Variants in AMN1 observed in about 807,000 individuals in gnomAD.
AMN1 encodes the protein antagonist of mitotic exit network 1 homolog.
AMN1 carries 20 observed loss-of-function variants against 33.0 expected under a neutral mutation model. The observed-to-expected ratio is 0.61, with a 90% CI of 0.43 to 0.88. The LOEUF is 0.88. Ranked by LOEUF, AMN1 falls within the 40% of genes least tolerant of loss-of-function variation. The probability of loss-of-function intolerance (pLI) is 0.00; values close to 1 mark genes in which losing one functional copy is unlikely to be tolerated. For synonymous variants in AMN1, 114 were observed against 111.9 expected, an observed-to-expected ratio of 1.02 and a Z score of -0.12; for missense variants, 246 against 307.4, an observed-to-expected ratio of 0.80 and a Z score of 1.49.
At chr12:31,727,537 T>C (rs948164985) in intron 1 of AMN1, among the ~76,000 whole-genome samples, 6 of 152,266 alleles carry the variant, frequency 3.9e-5, no homozygotes, top group Non-Finnish European at 7.4e-5. Flanking sequence ...TATTTCTACC[T>C]TTCCTGCCTG....
At chr12:31,719,331 T>C in intron 1 of AMN1, 2 of 983,102 alleles carry the variant, frequency 2.0e-6, no homozygotes, top group Non-Finnish European at 2.4e-6. Context: ...TTCTTTTTAA[T>C]GATATAAAAT....
intron 1 of AMN1, among the ~76,000 whole-genome samples, chr12:31,728,709 C>A (rs1940181911): frequency 6.6e-6 from 1 of 152,242 alleles, no homozygotes; most frequent in South Asian, 2.1e-4. Context: ...GGGCGCCGAG[C>A]TGTCAAGGCT....
chr12:31,709,174 A>T (rs1939369183), intron 2 of AMN1, 119 bp downstream of exon 2: 4 of 495,766 alleles, frequency 8.1e-6, no homozygotes, highest in South Asian at 3.2e-5. Context: ...GACCCTGTAT[A>T]AAAAAAAAAA....
chr12:31,694,621 C>T (rs1274127743), intron 5 of AMN1, among the ~76,000 whole-genome samples: 1 of 151,896 alleles, frequency 6.6e-6, no homozygotes, highest in Non-Finnish European at 1.5e-5. Context: ...GGGCACATAC[C>T]TGTAGCCCCA....
chr12:31,704,933 C>T (rs1340377657), intron 2 of AMN1, among the ~76,000 whole-genome samples: 1 of 152,038 alleles, frequency 6.6e-6, no homozygotes, highest in Non-Finnish European at 1.5e-5. Context: ...TGAAGAAAAC[C>T]ACCATTTTTC....
In AMN1 at chr12:31,672,240, AGATG is replaced by A. The variant is rs1565755934; in HGVS notation, c.*60_*63del. The A allele has an allele frequency of 3.6e-6, 4 of 1,100,682 alleles. No homozygotes were observed. The African/African-American group carries it at 6.2e-5, about 17-fold the overall frequency. 68.2% of individuals were successfully genotyped at this position (1,100,682 alleles called of 1,614,324 possible). On this transcript the variant is annotated 3_prime_UTR_variant, in exon 7 of 7. Transcript: ENST00000281471. ...CATTAAGTAGAATGCAAATCTCTAT[AGATG>A]GTTTCCTGGGAAAGTAGTTTTGATA...
intron 1 of AMN1, among the ~76,000 whole-genome samples, chr12:31,727,547 G>C (rs1248450065): frequency 6.6e-6 from 1 of 151,992 alleles, no homozygotes; most frequent in African/African-American, 2.4e-5. Flanking sequence ...TTTCCTGCCT[G>C]TCAAACCTTT....
intron 6 of AMN1, 200 bp from the exon 7 acceptor site, chr12:31,672,577 A>G: frequency 2.1e-6 from 1 of 465,576 alleles, no homozygotes; most frequent in Non-Finnish European, 3.8e-6. Context: ...TAGTGCACCT[A>G]TCATGGTATT....
chr12:31,709,555 A>G (rs1592169787), intron 1 of AMN1, 130 bp from the exon 2 acceptor site: 1 of 1,152,320 alleles, frequency 8.7e-7, no homozygotes, highest in East Asian at 2.6e-5. Flanking sequence ...GTGGTGGCTC[A>G]CGCCTGTAAT....
chr12:31,699,897 G>A (rs1171663082), intron 3 of AMN1, among the ~76,000 whole-genome samples: 2 of 152,150 alleles, frequency 1.3e-5, no homozygotes, highest in African/African-American at 4.8e-5. Flanking sequence ...TGTCCAGAGA[G>A]TTGGAGAATT....
intron 6 of AMN1, among the ~76,000 whole-genome samples, chr12:31,681,276 T>C (rs912584123): frequency 1.3e-5 from 2 of 152,216 alleles, no homozygotes; most frequent in Non-Finnish European, 2.9e-5. Flanking sequence ...TTGCTCAGGC[T>C]GGAGTATAGT....
rs749112450 is a variant in AMN1 at position 31,689,051 on chromosome 12, G to A, written c.659C>T (p.Pro220Leu). 7 of 1,613,400 alleles carry A rather than the reference G, an allele frequency of 4.3e-6. No individual in the cohort carries two copies. The South Asian group carries it at 7.7e-5, about 18-fold the overall frequency. The change falls in exon 6 of 7, where the codon CCT becomes CTT. Residue 220 changes from proline (P) to leucine (L), a missense_variant. Physicochemically the swap from Pro to Leu is moderately conservative, Grantham distance 98. Coordinates refer to ENST00000281471, the MANE Select transcript of AMN1 (RefSeq NM_001113402.2). ...GAVEAVLTYC[P>L]QIRILLFHGC... ...ATGGAAGAGTAATATACGTATTTGA[G>A]GACAGTAAGTAAGGACAGCTTCGAC...
Position 31,672,238 on chromosome 12 carries a change from A to C in AMN1, c.*66T>G. 1.8e-6 allele frequency: 2 copies of C among 1,081,782 alleles called. No individual in the cohort carries two copies. Among genetic ancestry groups the C allele is most frequent in the Non-Finnish European group, 2.8e-6 (2 of 721,314 alleles). 67.0% of individuals were successfully genotyped at this position (1,081,782 alleles called of 1,614,324 possible). A position where few individuals can be genotyped will look rare whatever the true frequency, so the allele number is the denominator to read the frequency against. ...AACATTAAGTAGAATGCAAATCTCT[A>C]TAGATGGTTTCCTGGGAAAGTAGTT... is the stretch of plus-strand genomic sequence containing the variant. On this transcript the variant is annotated 3_prime_UTR_variant, in exon 7 of 7. Coordinates refer to ENST00000281471, the MANE Select transcript of AMN1 (RefSeq NM_001113402.2).
intron 3 of AMN1, 82 bp downstream of exon 3, chr12:31,701,781 T>G: frequency 8.5e-7 from 1 of 1,174,870 alleles, no homozygotes; most frequent in Non-Finnish European, 1.2e-6. Context: ...TACTCTCTTT[T>G]GACGTATTTT....
intron 6 of AMN1, among the ~76,000 whole-genome samples, chr12:31,677,710 C>T (rs1001684405): frequency 6.6e-6 from 1 of 152,140 alleles, no homozygotes. Flanking sequence ...GGTCTCTGAC[C>T]TTCTCCTGCC....
At chr12:31,701,174 T>C (rs561471814) in intron 3 of AMN1, among the ~76,000 whole-genome samples, 1 of 151,360 alleles carries the variant, frequency 6.6e-6, no homozygotes, top group Non-Finnish European at 1.5e-5. Flanking sequence ...TAATTTTGTA[T>C]TTTTAGTAGA....
At chr12:31,694,915 C>A (rs1485152992) in intron 5 of AMN1, among the ~76,000 whole-genome samples, 1 of 151,970 alleles carries the variant, frequency 6.6e-6, no homozygotes, top group African/African-American at 2.4e-5. Flanking sequence ...CCAGCCTGGG[C>A]AACATAAAAA....
chr12:31,673,518 TA>T lies in AMN1; in HGVS notation c.704-1142del, dbSNP rs1210078971. The T allele has an allele frequency of 1.7e-5, 4 of 240,904 alleles. No individual in the cohort carries two copies. The East Asian group carries it at 4.7e-4, about 28-fold the overall frequency. The allele number at this position is 240,904 out of a possible 1,614,324, so 14.9% of individuals were successfully genotyped here. On this transcript the variant is annotated intron_variant, in intron 6 of 6. Transcript: ENST00000281471. ...ATCTCAATCAAAGATAGATTCAAATTATGTTGAAAGTAAAAGAATGGACAAA... is the reference window on the plus strand; with the variant it reads ...ATCTCAATCAAAGATAGATTCAAATTTGTTGAAAGTAAAAGAATGGACAAA...
At chr12:31,680,456 C>A (rs118174273) in intron 6 of AMN1, among the ~76,000 whole-genome samples, 8 of 152,184 alleles carry the variant, frequency 5.3e-5, no homozygotes, top group East Asian at 1.9e-4. Flanking sequence ...CTGCCTCGGC[C>A]CCCCCACAGG....
Sources: gnomAD v4.1 joint callset for allele counts (sites outside exome capture counted in the v4.1 genomes callset) on GRCh38, gnomAD v4.1.1 for gene constraint, MANE v1.5 for transcripts, NCBI Gene and HGNC (gene_info 2026-07-23, HGNC 2026-07-21) for gene names.